BBS9: variants seen among roughly 807,000 people sequenced by gnomAD.
The protein encoded by BBS9 is Bardet-Biedl syndrome 9.
A neutral mutation model predicts 117.7 loss-of-function variants in BBS9; 89 were observed. The ratio of observed to expected loss-of-function variants is 0.76; its 90% CI spans 0.64 to 0.90. The LOEUF (loss-of-function observed/expected upper bound fraction) is 0.90. BBS9 is among the 40% of genes least tolerant of loss of function. BBS9 has a pLI of 0.00. For missense variants in BBS9, 982 were observed against 1,042.2 expected (o/e 0.94, Z 0.80); for synonymous variants, 379 against 370.9 (o/e 1.02, Z -0.25).
At chr7:33,241,223 A>G (rs1794469072) in intron 5 of BBS9, among the ~76,000 whole-genome samples, 1 of 152,104 alleles carries the variant, frequency 6.6e-6, no homozygotes, top group Non-Finnish European at 1.5e-5. Context: ...GGGGAGGGCA[A>G]GGAGAAGACT....
At chr7:33,445,242 C>A (rs1836817516) in intron 19 of BBS9, among the ~76,000 whole-genome samples, 1 of 152,164 alleles carries the variant, frequency 6.6e-6, no homozygotes, top group Non-Finnish European at 1.5e-5. Context: ...AATGCAAATG[C>A]TAGCGGAGAT....
rs193299150 is a variant in BBS9 at position 33,173,558 on chromosome 7, C to T, written c.329-3920C>T. On this transcript the variant is annotated intron_variant, in intron 4 of 22. Transcript: ENST00000242067. ...CTGCACTCCAGCCTTGGCAACAGAG[C>T]GAGACTCCATCCTAAAAAAAAAAAA... 4.2e-3 allele frequency among the ~76,000 whole-genome samples: 622 copies of T among 146,368 alleles called. 2 individuals carry two copies. Among genetic ancestry groups the T allele is most frequent in the Middle Eastern group, 0.01 (3 of 286 alleles).
intron 15 of BBS9, among the ~76,000 whole-genome samples, chr7:33,353,672 T>C (rs1238389032): frequency 4.6e-5 from 7 of 152,014 alleles, no homozygotes; most frequent in Admixed American, 2.0e-4. Flanking sequence ...TAGATAGCAA[T>C]ATTAATTAGT....
intron 19 of BBS9, among the ~76,000 whole-genome samples, chr7:33,447,269 A>G (rs1230992771): frequency 6.6e-6 from 1 of 152,220 alleles, no homozygotes; most frequent in Non-Finnish European, 1.5e-5. Context: ...GAGGCTTGAG[A>G]TCCACAATTA....
At chr7:33,524,343 C>A (rs1849129772) in intron 20 of BBS9, among the ~76,000 whole-genome samples, 1 of 152,134 alleles carries the variant, frequency 6.6e-6, no homozygotes, top group Non-Finnish European at 1.5e-5. Flanking sequence ...CCTCCTTGTA[C>A]CTCTGATAGT....
Position 33,269,443 on chromosome 7 carries a change from C to A in BBS9, c.703-3569C>A, listed in dbSNP as rs566418765. Among the ~76,000 whole-genome samples, 45 of 113,300 alleles carry A rather than the reference C, an allele frequency of 4.0e-4. 1 individual carries two copies. Among genetic ancestry groups the A allele is most frequent in the Non-Finnish European group, 3.8e-4 (17 of 45,220 alleles). The allele number at this position is 113,300 out of a possible 152,430, so 74.3% of individuals were successfully genotyped here. ...TAATGGATTGATTGCAGCTCTGCAT[C>A]TCTCTTGGGTGAAGCCCCAGGAGAC... On this transcript the variant is annotated intron_variant, in intron 7 of 22. Transcript: ENST00000242067.
chr7:33,407,073 A>T (rs1249870294), intron 19 of BBS9, among the ~76,000 whole-genome samples: 1 of 152,150 alleles, frequency 6.6e-6, no homozygotes, highest in Non-Finnish European at 1.5e-5. Context: ...AGATACACCA[A>T]TCAGACGTAG....
At chr7:33,225,112 T>C (rs1783814536) in intron 5 of BBS9, among the ~76,000 whole-genome samples, 1 of 152,196 alleles carries the variant, frequency 6.6e-6, no homozygotes, top group African/African-American at 2.4e-5. Flanking sequence ...AGATGACAAA[T>C]TAGTAGTTGT....
At chr7:33,447,903 A>G (rs1297149763) in intron 19 of BBS9, among the ~76,000 whole-genome samples, 3 of 152,228 alleles carry the variant, frequency 2.0e-5, no homozygotes, top group African/African-American at 7.2e-5. Flanking sequence ...TAATTTCATT[A>G]CTAGCAGGAC....
chr7:33,594,456 A>G (rs1862413397), intron 21 of BBS9, among the ~76,000 whole-genome samples: 1 of 152,068 alleles, frequency 6.6e-6, no homozygotes, highest in Non-Finnish European at 1.5e-5. Flanking sequence ...AGGGAGAAAG[A>G]AAAGTCATGG....
intron 6 of BBS9, among the ~76,000 whole-genome samples, chr7:33,260,958 T>C (rs1055058282): frequency 6.6e-6 from 1 of 152,244 alleles, no homozygotes; most frequent in African/African-American, 2.4e-5. Flanking sequence ...GTGTTTCTGT[T>C]GAATTTAATT....
intron 21 of BBS9, among the ~76,000 whole-genome samples, chr7:33,634,173 C>T (rs1247763327): frequency 1.3e-5 from 2 of 152,196 alleles, no homozygotes; most frequent in Non-Finnish European, 2.9e-5. Context: ...CCCTGCCTCC[C>T]CCAGGAGTGC....
intron 5 of BBS9, among the ~76,000 whole-genome samples, chr7:33,192,459 AATAAT>A (rs1409140891): frequency 1.3e-5 from 2 of 152,332 alleles, no homozygotes; most frequent in South Asian, 2.1e-4. Flanking sequence ...AAATATATAG[AATAAT>A]ATAAAAACTG....
intron 21 of BBS9, among the ~76,000 whole-genome samples, chr7:33,568,104 C>T (rs942916381): frequency 6.6e-6 from 1 of 152,142 alleles, no homozygotes; most frequent in Admixed American, 6.5e-5. Flanking sequence ...GGCTTAAGTA[C>T]CAATTCCTTA....
chr7:33,534,506 G>A (rs112534475), intron 21 of BBS9: 9,541 of 400,880 alleles, frequency 0.024, 150 homozygotes, highest in African/African-American at 0.053. Context: ...GTGATCTCGC[G>A]ATACAATATT....
intron 17 of BBS9, among the ~76,000 whole-genome samples, chr7:33,381,402 C>T (rs1000073163): frequency 7.9e-5 from 12 of 152,138 alleles, no homozygotes; most frequent in Non-Finnish European, 1.3e-4. Flanking sequence ...TCCCTTATTC[C>T]TGATTTTATC....
intron 19 of BBS9, among the ~76,000 whole-genome samples, chr7:33,453,909 G>T (rs1005268674): frequency 2.0e-5 from 3 of 152,130 alleles, no homozygotes; most frequent in Non-Finnish European, 2.9e-5. Flanking sequence ...TTATGTTATT[G>T]GGAAGTCTTC....
At chr7:33,349,279 C>T (rs775169642) in intron 13 of BBS9, 109 bp downstream of exon 13, 27 of 808,702 alleles carry the variant, frequency 3.3e-5, no homozygotes, top group South Asian at 5.6e-5. Context: ...AGATTGGGAT[C>T]GTCCCAAAAT....
intron 19 of BBS9, among the ~76,000 whole-genome samples, chr7:33,465,663 T>C (rs1051700902): frequency 6.6e-6 from 1 of 152,136 alleles, no homozygotes; most frequent in African/African-American, 2.4e-5. Flanking sequence ...TGCCTATATC[T>C]CAGTTTTCTC....
Sources: gnomAD v4.1 joint callset for allele counts (sites outside exome capture counted in the v4.1 genomes callset) on GRCh38, gnomAD v4.1.1 for gene constraint, MANE v1.5 for transcripts, NCBI Gene and HGNC (gene_info 2026-07-23, HGNC 2026-07-21) for gene names.